The following CSMD1 variants were observed in gnomAD, a reference collection of about 807,000 sequenced individuals.
CSMD1 encodes the protein CUB and Sushi multiple domains 1.
A neutral mutation model predicts 417.5 loss-of-function variants in CSMD1; 213 were observed. The ratio of observed to expected loss-of-function variants is 0.51; its 90% CI spans 0.46 to 0.57. The LOEUF (loss-of-function observed/expected upper bound fraction) is 0.57, where lower values mean the gene tolerates loss of function less well. CSMD1 is among the 20% of genes least tolerant of loss of function. CSMD1 has a pLI of 0.00. For missense variants in CSMD1, 6,923 were observed against 4,529.7 expected, an observed-to-expected ratio of 1.53 and a Z score of -15.17; for synonymous variants, 2,862 against 1,736.8, an observed-to-expected ratio of 1.65 and a Z score of -16.11.
intron 1 of CSMD1, among the ~76,000 whole-genome samples, chr8:4,860,003 A>C (rs1213020704): frequency 2.0e-5 from 3 of 152,150 alleles, no homozygotes; most frequent in Admixed American, 6.5e-5. Context: ...AAGACTTGGA[A>C]CCAACCCAAA....
At chr8:3,846,923 C>T (rs928774385) in intron 5 of CSMD1, among the ~76,000 whole-genome samples, 41 of 152,200 alleles carry the variant, frequency 2.7e-4, no homozygotes, top group African/African-American at 8.2e-4. Context: ...GATCCACCCG[C>T]CCTGGCCTCC....
chr8:4,135,783 AG>A (rs1420721909), intron 3 of CSMD1, among the ~76,000 whole-genome samples: 1 of 152,206 alleles, frequency 6.6e-6, no homozygotes, highest in Non-Finnish European at 1.5e-5. Context: ...GATTAATGAT[AG>A]GAATAAAAAT....
chr8:4,787,969 G>C, intron 1 of CSMD1: 3 of 1,595,990 alleles, frequency 1.9e-6, no homozygotes, highest in Non-Finnish European at 8.5e-7. Flanking sequence ...TGGCCATCAG[G>C]AGATCGAAGC....
At chr8:4,387,541 C>T (rs182512370) in intron 3 of CSMD1, among the ~76,000 whole-genome samples, 13 of 74,502 alleles carry the variant, frequency 1.7e-4, no homozygotes, top group African/African-American at 3.6e-4. Context: ...TTTTACAACA[C>T]GCAGAAGAGA....
Position 3,822,356 on chromosome 8 carries a change from C to T in CSMD1, c.819-68314G>A, listed in dbSNP as rs532155399. On this transcript the variant is annotated intron_variant, in intron 5 of 69. Transcript: ENST00000635120. Reference sequence around the variant, plus strand: ...TCTTGACATCAAGTACTTTAAAAGTCGTTGAACTGTATCTATGAAGCAAGC... The same window carrying T: ...TCTTGACATCAAGTACTTTAAAAGTTGTTGAACTGTATCTATGAAGCAAGC... 4.2e-4 allele frequency among the ~76,000 whole-genome samples: 64 copies of T among 152,112 alleles called. 1 individual carries two copies. The South Asian group carries it at 0.011, about 26-fold the overall frequency.
intron 1 of CSMD1, among the ~76,000 whole-genome samples, chr8:4,922,639 G>A (rs2117150519): frequency 6.6e-6 from 1 of 152,232 alleles, no homozygotes; most frequent in South Asian, 2.1e-4. Context: ...AACACATCTT[G>A]TCCACAGTTC....
intron 3 of CSMD1, among the ~76,000 whole-genome samples, chr8:4,419,230 T>C (rs1797115681): frequency 1.3e-5 from 2 of 152,186 alleles, no homozygotes; most frequent in South Asian, 2.1e-4. Context: ...AGACAGTAGC[T>C]CTTGTATTAC....
At chr8:4,809,754 T>A (rs1012476822) in intron 1 of CSMD1, among the ~76,000 whole-genome samples, 2 of 152,238 alleles carry the variant, frequency 1.3e-5, no homozygotes, top group Non-Finnish European at 2.9e-5. Flanking sequence ...AAAATTGAGA[T>A]AATTCATGTT....
intron 3 of CSMD1, among the ~76,000 whole-genome samples, chr8:4,147,119 AATC>A (rs2131038827): frequency 1.3e-5 from 2 of 151,682 alleles, no homozygotes; most frequent in Non-Finnish European, 2.9e-5. Flanking sequence ...CCTCCTGACC[AATC>A]TCTTCCTCAG....
At chr8:3,536,202 G>A (rs1415336943) in intron 10 of CSMD1, among the ~76,000 whole-genome samples, 2 of 152,194 alleles carry the variant, frequency 1.3e-5, no homozygotes, top group Non-Finnish European at 2.9e-5. Flanking sequence ...GAGCACTGTA[G>A]GTTTGCTTTT....
rs543142303 is a variant in CSMD1, at chr8:3,139,113, C to T, written c.6241+3352G>A. On this transcript the variant is annotated intron_variant, in intron 41 of 69. Transcript: ENST00000635120. ...GGAAGCAAAACTGCGAGCTCAGCTT[C>T]GGGCACATGTTTCAGTGCCTGCGTC... 6.6e-5 allele frequency among the ~76,000 whole-genome samples: 10 copies of T among 152,216 alleles called. No individual in the cohort carries two copies. In the South Asian group the frequency reaches 1.2e-3, roughly 19 times the overall value.
chr8:4,114,336 A>C (rs1256319314), intron 3 of CSMD1, among the ~76,000 whole-genome samples: 1 of 152,228 alleles, frequency 6.6e-6, no homozygotes, highest in Non-Finnish European at 1.5e-5. Context: ...ATCTGTTTAC[A>C]GCACGGTTAA....
intron 4 of CSMD1, among the ~76,000 whole-genome samples, chr8:4,003,311 T>G (rs1040594376): frequency 1.3e-5 from 2 of 152,166 alleles, no homozygotes; most frequent in South Asian, 4.1e-4. Context: ...GAGAATGGTG[T>G]GAACCTGGGA....
intron 10 of CSMD1, among the ~76,000 whole-genome samples, chr8:3,497,976 G>A (rs537025494): frequency 1.3e-5 from 2 of 152,280 alleles, no homozygotes; most frequent in African/African-American, 4.8e-5. Flanking sequence ...TTTCTTGTAG[G>A]ACCATTCCAG....
At chr8:4,411,095 G>A (rs189091456) in intron 3 of CSMD1, among the ~76,000 whole-genome samples, 8 of 152,076 alleles carry the variant, frequency 5.3e-5, no homozygotes, top group Admixed American at 2.6e-4. Context: ...CCCCCTCCAC[G>A]TGTGGCCACC....
intron 1 of CSMD1, among the ~76,000 whole-genome samples, chr8:4,733,334 A>C (rs1276209842): frequency 1.3e-5 from 2 of 152,222 alleles, no homozygotes; most frequent in Non-Finnish European, 2.9e-5. Context: ...TAGCCATGCC[A>C]ATGACCCTAA....
At chr8:3,051,276 G>A (rs996211131) in intron 50 of CSMD1, among the ~76,000 whole-genome samples, 1 of 152,226 alleles carries the variant, frequency 6.6e-6, no homozygotes, top group African/African-American at 2.4e-5. Flanking sequence ...CATAAAAACA[G>A]TGAGATCATG....
intron 42 of CSMD1, among the ~76,000 whole-genome samples, chr8:3,117,406 A>G (rs1816937222): frequency 6.6e-6 from 1 of 152,206 alleles, no homozygotes; most frequent in Non-Finnish European, 1.5e-5. Context: ...TTAAAAGCCT[A>G]CTGATATGCT....
At chr8:4,424,231 C>T (rs894094421) in intron 2 of CSMD1, among the ~76,000 whole-genome samples, 1 of 151,690 alleles carries the variant, frequency 6.6e-6, no homozygotes, top group Non-Finnish European at 1.5e-5. Flanking sequence ...TGCAAAAGAC[C>T]GCATTAAGAG....
Sources: gnomAD v4.1 joint callset for allele counts (sites outside exome capture counted in the v4.1 genomes callset) on GRCh38, gnomAD v4.1.1 for gene constraint, MANE v1.5 for transcripts, NCBI Gene and HGNC (gene_info 2026-07-23, HGNC 2026-07-21) for gene names.